FANCL: variants seen among roughly 807,000 people sequenced by gnomAD.
FANCL encodes FA complementation group L.
FANCL carries 69 observed loss-of-function variants against 59.4 expected under a neutral mutation model. That is an observed-to-expected ratio of 1.16 (90% CI 0.96 to 1.42). The LOEUF is 1.42. FANCL is among the 40% of genes most tolerant of loss of function. The probability of loss-of-function intolerance (pLI) is 0.00; values close to 1 mark genes in which losing one functional copy is unlikely to be tolerated. For missense variants in FANCL, 519 were observed against 447.2 expected, an observed-to-expected ratio of 1.16 and a Z score of -1.45; for synonymous variants, 180 against 147.1, an observed-to-expected ratio of 1.22 and a Z score of -1.62.
chr2:58,205,089 T>C (rs965419835), intron 5 of FANCL, among the ~76,000 whole-genome samples: 2 of 152,096 alleles, frequency 1.3e-5, no homozygotes, highest in African/African-American at 2.4e-5. Context: ...TCTAAGAGTA[T>C]TGCAAAACTT....
chr2:58,219,155 AAAAAAAAAAAAAAAAAAT>A (rs1452574628), intron 5 of FANCL, among the ~76,000 whole-genome samples: 3 of 85,746 alleles, frequency 3.5e-5, no homozygotes, highest in South Asian at 3.6e-4. Flanking sequence ...AAAAAAAAAA[AAAAAAAAAAAAAAAAAAT>A]ATATATATAT....
intron 8 of FANCL, among the ~76,000 whole-genome samples, chr2:58,164,191 T>C (rs1295765741): frequency 6.6e-6 from 1 of 151,986 alleles, no homozygotes; most frequent in Non-Finnish European, 1.5e-5. Flanking sequence ...GTTTCAGAAA[T>C]TTTACTTCTA....
At chr2:58,204,496 T>C (rs973373230) in intron 5 of FANCL, among the ~76,000 whole-genome samples, 4 of 152,084 alleles carry the variant, frequency 2.6e-5, no homozygotes, top group African/African-American at 9.7e-5. Context: ...TATGTTTCAG[T>C]TTTCCATCAC....
At chr2:58,181,923 C>G in intron 7 of FANCL, among the ~76,000 whole-genome samples, 1 of 151,506 alleles carries the variant, frequency 6.6e-6, no homozygotes, top group Middle Eastern at 3.5e-3. Flanking sequence ...TAATAACTGG[C>G]CTTTTAAAAT....
intron 3 of FANCL, among the ~76,000 whole-genome samples, chr2:58,227,470 CT>C (rs1300858296): frequency 1.3e-5 from 2 of 152,300 alleles, no homozygotes; most frequent in East Asian, 3.9e-4. Context: ...CGGTTTTCCC[CT>C]GGCGTCGGGT....
intron 7 of FANCL, among the ~76,000 whole-genome samples, chr2:58,176,938 A>C (rs1687387375): frequency 2.0e-5 from 3 of 152,132 alleles, no homozygotes; most frequent in African/African-American, 7.2e-5. Context: ...TTACAAGAAA[A>C]AAACAAACAA....
chr2:58,209,143 C>T (rs938120188), intron 5 of FANCL, among the ~76,000 whole-genome samples: 3 of 151,954 alleles, frequency 2.0e-5, no homozygotes, highest in Non-Finnish European at 4.4e-5. Flanking sequence ...CACATTGCTC[C>T]TTTTCATGTA....
intron 7 of FANCL, among the ~76,000 whole-genome samples, chr2:58,186,218 GT>G (rs1051565858): frequency 1.3e-5 from 2 of 152,152 alleles, no homozygotes; most frequent in African/African-American, 2.4e-5. Context: ...AATTGCATAG[GT>G]TTTGTTCAAT....
At chr2:58,202,055 A>G (rs1011900036) in intron 6 of FANCL, among the ~76,000 whole-genome samples, 2 of 151,710 alleles carry the variant, frequency 1.3e-5, no homozygotes, top group Non-Finnish European at 3.0e-5. Context: ...CGTTTCAACT[A>G]TTAGTGTAGT....
chr2:58,177,792 T>TAA (rs60381234), intron 7 of FANCL, among the ~76,000 whole-genome samples: 6 of 128,410 alleles, frequency 4.7e-5, no homozygotes, highest in South Asian at 4.9e-4. Context: ...TAAAAAAGAT[T>TAA]AAAAAAAAAA....
At chr2:58,177,563 T>C (rs1029331378) in intron 7 of FANCL, among the ~76,000 whole-genome samples, 5 of 134,358 alleles carry the variant, frequency 3.7e-5, no homozygotes, top group East Asian at 4.6e-4. Flanking sequence ...TTCTCACTCA[T>C]AGGTGGGAAT....
intron 6 of FANCL, among the ~76,000 whole-genome samples, chr2:58,202,872 G>C (rs1003950798): frequency 6.6e-6 from 1 of 151,688 alleles, no homozygotes; most frequent in East Asian, 1.9e-4. Context: ...AATGAGGACA[G>C]GGTGTATTTA....
At chr2:58,162,995 CA>C (rs1008510137) in intron 10 of FANCL, 33 bp downstream of exon 10, 28 of 1,611,826 alleles carry the variant, frequency 1.7e-5, no homozygotes, top group Non-Finnish European at 2.3e-5. Flanking sequence ...GTAAAATCAC[CA>C]AAAAGTAAAA....
At chr2:58,237,806 T>G (rs2104006095) in intron 1 of FANCL, among the ~76,000 whole-genome samples, 1 of 152,330 alleles carries the variant, frequency 6.6e-6, no homozygotes, top group African/African-American at 2.4e-5. Flanking sequence ...GAATATAGAC[T>G]AAGAAACTTG....
chr2:58,192,282 G>C (rs1011207544), intron 7 of FANCL, among the ~76,000 whole-genome samples: 7 of 151,852 alleles, frequency 4.6e-5, no homozygotes, highest in Non-Finnish European at 2.9e-5. Flanking sequence ...GAAATCAACT[G>C]AAACTATAGC....
intron 5 of FANCL, among the ~76,000 whole-genome samples, chr2:58,208,018 C>T (rs1445714292): frequency 6.6e-6 from 1 of 152,182 alleles, no homozygotes; most frequent in Non-Finnish European, 1.5e-5. Flanking sequence ...ATGATGGCAC[C>T]ACTGCACTCT....
chr2:58,192,758 A>G (rs1036029764), intron 7 of FANCL, among the ~76,000 whole-genome samples: 33 of 151,924 alleles, frequency 2.2e-4, no homozygotes, highest in Non-Finnish European at 4.6e-4. Flanking sequence ...AAAGCATGTA[A>G]TGACAAATTA....
At chr2:58,224,604 T>C (rs1217299618) in intron 4 of FANCL, among the ~76,000 whole-genome samples, 1 of 151,892 alleles carries the variant, frequency 6.6e-6, no homozygotes, top group Non-Finnish European at 1.5e-5. Flanking sequence ...TAGTAGCTGC[T>C]GCTAGGAATA....
chr2:58,240,751 CTT>C (rs1418578123), intron 1 of FANCL, among the ~76,000 whole-genome samples: 2 of 152,280 alleles, frequency 1.3e-5, no homozygotes, highest in Admixed American at 1.3e-4. Flanking sequence ...GTACATACGA[CTT>C]GGCAAAGGGC....
Sources: gnomAD v4.1 joint callset for allele counts (sites outside exome capture counted in the v4.1 genomes callset) on GRCh38, gnomAD v4.1.1 for gene constraint, MANE v1.5 for transcripts, NCBI Gene and HGNC (gene_info 2026-07-23, HGNC 2026-07-21) for gene names.